The following SLC5A5 variants were observed in gnomAD, a reference collection of about 807,000 sequenced individuals.
SLC5A5 encodes the protein sodium/iodide cotransporter.
Under a neutral mutation model 68.6 loss-of-function variants are expected in SLC5A5, and 56 were observed. That is an observed-to-expected ratio of 0.82 (90% CI 0.66 to 1.02). The LOEUF (loss-of-function observed/expected upper bound fraction) is 1.02. SLC5A5 is among the 50% of genes least tolerant of loss of function. SLC5A5 has a pLI of 0.00. For missense variants in SLC5A5, 807 were observed against 859.8 expected, an observed-to-expected ratio of 0.94 and a Z score of 0.77; for synonymous variants, 398 against 373.0, an observed-to-expected ratio of 1.07 and a Z score of -0.77.
At position 17,878,028 on chromosome 19, in the gene SLC5A5, G is replaced by A. The variant is rs1304927206; in HGVS notation, c.904G>A (p.Val302Ile). 15 of 1,613,172 alleles carry A rather than the reference G, an allele frequency of 9.3e-6. No homozygotes were observed. Among genetic ancestry groups the A allele is most frequent in the East Asian group, 6.7e-5 (3 of 44,880 alleles). The change falls in exon 7 of 15, where the codon GTC (valine) becomes ATC (isoleucine). Residue 302 changes from valine (V) to isoleucine (I), a missense_variant. By Grantham distance (29) the Val-to-Ile change is conservative. Coordinates refer to ENST00000222248, the MANE Select transcript of SLC5A5 (RefSeq NM_000453.3). Reference protein sequence around the residue: ...IVSSAACCGIVMFVFYTDCDP... With the variant: ...IVSSAACCGIIMFVFYTDCDP... ...GTCCAGCGCTGCCTGCTGTGGCATC[G>A]TCATGTTTGTGTTCTACACTGACTG...
Position 17,880,888 on chromosome 19 carries a change from C to T in SLC5A5, c.993C>T (p.Asp331=), listed in dbSNP as rs1033522902. Residue 331 remains aspartate (D), a synonymous_variant, in exon 8 of 15, where the codon GAC becomes GAT. Transcript: ENST00000222248. The stretch of plus-strand genomic sequence containing the variant: ...AGTACATGCCTCTGCTGGTGCTGGA[C>T]ATCTTCGAAGATCTGCCTGGAGTCC... ...PDQYMPLLVL[D]IFEDLPGVPG... 4 of 1,613,846 alleles carry T rather than the reference C, an allele frequency of 2.5e-6. No individual in the cohort carries two copies. The highest frequency in any genetic ancestry group is 1.3e-5 in the African/African-American group (1 of 74,932).
At position 17,882,274 on chromosome 19, in the gene SLC5A5, C is replaced by T; in HGVS notation, c.1242+55C>T. ...CTCCTGAGAGGTGGGGGCACCTTTC[C>T]CTCTTTCCCATTAAACTGAGGCTCA... On this transcript the variant is annotated intron_variant, in intron 10 of 14. Coordinates refer to ENST00000222248, the MANE Select transcript of SLC5A5 (RefSeq NM_000453.3). The T allele has an allele frequency of 2.9e-6, 4 of 1,382,108 alleles. No homozygotes were observed. The African/African-American group carries it at 4.3e-5, about 15-fold the overall frequency. 85.6% of individuals were successfully genotyped at this position (1,382,108 alleles called of 1,614,324 possible).
chr19:17,877,506 A>G (rs2094310215), intron 5 of SLC5A5, among the ~76,000 whole-genome samples: 1 of 152,046 alleles, frequency 6.6e-6, no homozygotes, highest in African/African-American at 2.4e-5. Context: ...ATGGGGTTTC[A>G]CCATGTTGGC....
rs528009112 is a variant in SLC5A5 at position 17,892,695 on chromosome 19, A to AGAGAGAGAGAGAGAGC, written c.1768-1015_1768-1014insAGAGAGAGAGAGCGAG. Among the ~76,000 whole-genome samples, 91 of 148,682 alleles carry AGAGAGAGAGAGAGAGC rather than the reference A, an allele frequency of 6.1e-4. No homozygotes were observed. The East Asian group carries it at 8.2e-3, about 13-fold the overall frequency. ...GAGAGAGAGAGAGAGAGAGAGAGAG[A>AGAGAGAGAGAGAGAGC]GAGCAAGCTAAAAAGAAAAACGTGT... On this transcript the variant is annotated intron_variant, in intron 14 of 14. Transcript: ENST00000222248.
rs2147761163 is a variant in SLC5A5 at position 17,895,082 on chromosome 19, G to A, written c.*1205G>A. On this transcript the variant is annotated 3_prime_UTR_variant, in exon 15 of 15. Coordinates refer to ENST00000222248, the MANE Select transcript of SLC5A5 (RefSeq NM_000453.3). ...GGCATGAGATGCATTATTTCTTAGA[G>A]CCTTTAGAGGGAACATGGCCCTACT... The A allele has an allele frequency of 6.6e-6, 1 of 152,082 alleles. No individual in the cohort carries two copies. The highest frequency in any genetic ancestry group is 1.5e-5 in the Non-Finnish European group (1 of 68,008). The allele number at this position is 152,082 out of a possible 1,614,324, so 9.4% of individuals were successfully genotyped here. A position where few individuals can be genotyped will look rare whatever the true frequency, so the allele number is the denominator to read the frequency against.
intron 8 of SLC5A5, 80 bp from the exon 9 acceptor site, chr19:17,881,880 T>G: frequency 9.2e-7 from 1 of 1,091,000 alleles, no homozygotes; most frequent in Non-Finnish European, 1.4e-6. Context: ...GCCCTCAGGC[T>G]GGGTGAGGTC....
chr19:17,874,395 G>T, intron 2 of SLC5A5, 99 bp from the exon 3 acceptor site: 2 of 1,257,358 alleles, frequency 1.6e-6, no homozygotes, highest in Non-Finnish European at 2.3e-6. Context: ...CGGCCTATCT[G>T]CCCCGCCCAT....
chr19:17,888,587 CCTTATTATT>C lies in SLC5A5; in HGVS notation c.1651+133_1651+141del, dbSNP rs1421507179. 4.2e-5 allele frequency: 24 copies of C among 572,764 alleles called. 1 individual carries two copies. The African/African-American group carries it at 4.6e-4, about 11-fold the overall frequency. 35.5% of individuals were successfully genotyped at this position (572,764 alleles called of 1,614,324 possible). On this transcript the variant is annotated intron_variant, in intron 13 of 14. Transcript: ENST00000222248. ...CCACTGTGTGCTGTACACATTTGTA[CCTTATTATT>C]ATTATTATTATTATTATTATTATCA...
intron 12 of SLC5A5, among the ~76,000 whole-genome samples, chr19:17,886,210 A>G (rs2147748041): frequency 6.6e-6 from 1 of 151,218 alleles, no homozygotes; most frequent in South Asian, 2.1e-4. Context: ...AAACAAAACC[A>G]AAAACATTTG....
chr19:17,881,620 C>T (rs1479087036), intron 8 of SLC5A5, among the ~76,000 whole-genome samples: 1 of 152,204 alleles, frequency 6.6e-6, no homozygotes, highest in African/African-American at 2.4e-5. Flanking sequence ...CAGTCCCCTG[C>T]TTCTGCCTTC....
rs1267823047 is a variant in SLC5A5, at chr19:17,882,067, G to C, written c.1166G>C (p.Gly389Ala). The C allele has an allele frequency of 6.2e-7, 1 of 1,613,786 alleles. No homozygotes were observed. Among genetic ancestry groups the C allele is most frequent in the South Asian group, 1.1e-5 (1 of 91,070 alleles). The change falls in exon 9 of 15, where the codon GGG becomes GCG. Residue 389 changes from glycine (G) to alanine (A), a missense_variant. Physicochemically the swap from Gly to Ala is moderately conservative, Grantham distance 60. Coordinates refer to ENST00000222248, the MANE Select transcript of SLC5A5 (RefSeq NM_000453.3). ...AGGAAACTCGTGATTATCTCCAAGG[G>C]GCTCTGTGAGTTTCAGGGAGACCTG... ...APRKLVIISKGLSLIYGSACL... is the reference protein window; with the variant it reads ...APRKLVIISKALSLIYGSACL...
chr19:17,878,698 G>A (rs905528813), intron 7 of SLC5A5, among the ~76,000 whole-genome samples: 4 of 151,788 alleles, frequency 2.6e-5, no homozygotes, highest in East Asian at 1.9e-4. Flanking sequence ...GACCCAGGCC[G>A]GGCATGTTGG....
intron 12 of SLC5A5, among the ~76,000 whole-genome samples, chr19:17,886,461 C>T (rs1422466158): frequency 6.6e-6 from 1 of 152,068 alleles, no homozygotes; most frequent in Non-Finnish European, 1.5e-5. Flanking sequence ...GCATATGCCA[C>T]CACGCCTGGC....
intron 5 of SLC5A5, among the ~76,000 whole-genome samples, chr19:17,877,291 T>C (rs936300128): frequency 1.3e-5 from 2 of 151,926 alleles, no homozygotes; most frequent in East Asian, 3.9e-4. Context: ...CCATTTATTA[T>C]TTATTTATTT....
rs1308129949 is a variant in SLC5A5, at chr19:17,893,779, C to T, written c.1834C>T (p.Leu612=). The change falls in exon 15 of 15, where the codon CTG becomes TTG. Residue 612 remains leucine, a synonymous_variant. Transcript: ENST00000222248. ...CTTCCTGCCCACCAATGAGGATCGT[C>T]TGTTTTTCTTGGGGCAGAAGGAGCT... The part of the protein sequence containing the change: ...PGFLPTNEDR[L]FFLGQKELEG... The T allele has an allele frequency of 1.2e-6, 2 of 1,613,644 alleles. No individual in the cohort carries two copies. Among genetic ancestry groups the T allele is most frequent in the East Asian group, 2.2e-5 (1 of 44,876 alleles).
In SLC5A5 at chr19:17,872,657, G is replaced by C. The variant is rs771090187; in HGVS notation, c.338G>C (p.Gly113Ala). The C allele has an allele frequency of 4.4e-5, 71 of 1,603,356 alleles. No homozygotes were observed. The highest frequency in any genetic ancestry group is 5.9e-5 in the Non-Finnish European group (69 of 1,174,204). The change falls in exon 1 of 15, where the codon GGC becomes GCC. Residue 113 changes from glycine to alanine, a missense_variant. By Grantham distance (60) the Gly-to-Ala change is moderately conservative. Coordinates refer to ENST00000222248, the MANE Select transcript of SLC5A5 (RefSeq NM_000453.3). ...LLFMPVFYRL[G>A]LTSTYEYLEM... ...TTCATGCCCGTCTTCTACCGCCTGG[G>C]CCTCACCAGCACCTACGAGGTACCG...
chr19:17,872,033 C>G lies in SLC5A5; in HGVS notation c.-287C>G. The G allele has an allele frequency of 2.1e-6, 1 of 480,776 alleles. No homozygotes were observed. Among genetic ancestry groups the G allele is most frequent in the Non-Finnish European group, 3.7e-6 (1 of 267,394 alleles). The allele number at this position is 480,776 out of a possible 1,614,324, so 29.8% of individuals were successfully genotyped here. Reference sequence around the variant, plus strand: ...ACAGACAGCCGGCTGCATGGGACAGCGGAACCCAGAGTGAGAGGGGAGGTG... The same window carrying G: ...ACAGACAGCCGGCTGCATGGGACAGGGGAACCCAGAGTGAGAGGGGAGGTG... On this transcript the variant is annotated 5_prime_UTR_variant, in exon 1 of 15. Transcript: ENST00000222248.
intron 13 of SLC5A5, among the ~76,000 whole-genome samples, chr19:17,890,461 G>C (rs574650790): frequency 6.6e-6 from 1 of 152,020 alleles, no homozygotes; most frequent in Non-Finnish European, 1.5e-5. Flanking sequence ...GCACAATGAC[G>C]GCTCACTGCA....
At chr19:17,881,539 T>C (rs911729963) in intron 8 of SLC5A5, among the ~76,000 whole-genome samples, 2 of 152,348 alleles carry the variant, frequency 1.3e-5, no homozygotes, top group East Asian at 1.9e-4. Context: ...AGTGCTGAGA[T>C]TGCAGGCATG....
Sources: allele counts gnomAD v4.1 joint callset (sites outside exome capture counted in the v4.1 genomes callset), GRCh38; gene constraint gnomAD v4.1.1; transcripts MANE v1.5; gene names NCBI Gene and HGNC (gene_info 2026-07-23, HGNC 2026-07-21).